The following NIPAL2 variants were observed in gnomAD, a reference collection of about 807,000 sequenced individuals.
NIPAL2 encodes NIPA like domain containing 2, also known as NIPA-like protein 2.
Under a neutral mutation model 48.9 loss-of-function variants are expected in NIPAL2, and 43 were observed. The observed-to-expected ratio is 0.88, with a 90% CI of 0.69 to 1.13. NIPAL2 has a LOEUF of 1.13. NIPAL2 is among the 50% of genes most tolerant of loss of function. The pLI is 0.00. For missense variants in NIPAL2, 446 were observed against 461.4 expected (o/e 0.97, Z 0.31); for synonymous variants, 167 against 174.6 (o/e 0.96, Z 0.34).
At chr8:98,275,118 C>T (rs1177767018) in intron 1 of NIPAL2, among the ~76,000 whole-genome samples, 4 of 152,080 alleles carry the variant, frequency 2.6e-5, no homozygotes, top group African/African-American at 9.7e-5. Context: ...AACCAAGAAA[C>T]TGGCATTGGT....
intron 3 of NIPAL2, among the ~76,000 whole-genome samples, chr8:98,249,688 T>A (rs553518639): frequency 6.8e-5 from 10 of 147,268 alleles, no homozygotes; most frequent in Admixed American, 5.5e-4. Context: ...TTAAAGATAA[T>A]CAATATAATT....
chr8:98,244,622 T>G (rs1459233831), intron 3 of NIPAL2, among the ~76,000 whole-genome samples: 1 of 116,264 alleles, frequency 8.6e-6, no homozygotes, highest in Non-Finnish European at 1.8e-5. Flanking sequence ...TGGGCTGTGG[T>G]GATGGGGGGT....
Position 98,264,443 on chromosome 8 carries a change from A to G in NIPAL2, c.136-10356T>C, listed in dbSNP as rs1242558783. On this transcript the variant is annotated intron_variant, in intron 1 of 10. Transcript: ENST00000430223. ...CAACTTCAGCAAAGTCTCAGGATAC[A>G]AAATCAATGTACAAAAATCACAAGC... 2.7e-5 allele frequency among the ~76,000 whole-genome samples: 4 copies of G among 148,416 alleles called. No homozygotes were observed. The East Asian group carries it at 5.8e-4, about 22-fold the overall frequency.
At position 98,222,511 on chromosome 8, in the gene NIPAL2, A is replaced by G. The variant is rs1255343879; in HGVS notation, c.526T>C (p.Tyr176His). Residue 176 changes from tyrosine to histidine, a missense_variant, in exon 5 of 11, where the codon TAC (tyrosine) becomes CAC (histidine). Physicochemically the swap from Tyr to His is moderately conservative, Grantham distance 83 (BLOSUM62 2). Transcript: ENST00000430223. ...ATCAGGAACTGCCATCCGACAAGGT[A>G]ATACTGTACTGTTCTTGCTGAGATT... is the stretch of plus-strand genomic sequence containing the variant. ...QAISARTVQYYLVGWQFLIYV... is the reference protein window; with the variant it reads ...QAISARTVQYHLVGWQFLIYV... 1 of 1,613,912 alleles carries G rather than the reference A, an allele frequency of 6.2e-7. No individual in the cohort carries two copies. The highest frequency in any genetic ancestry group is 1.3e-5 in the African/African-American group (1 of 74,948).
At chr8:98,199,284 C>G (rs1270559517) in intron 8 of NIPAL2, among the ~76,000 whole-genome samples, 2 of 152,110 alleles carry the variant, frequency 1.3e-5, no homozygotes, top group Non-Finnish European at 2.9e-5. Context: ...GCATTCACAA[C>G]TTGGCTAAAT....
chr8:98,233,370 T>C (rs1033810640), intron 4 of NIPAL2, among the ~76,000 whole-genome samples: 139 of 150,164 alleles, frequency 9.3e-4, no homozygotes, highest in Non-Finnish European at 1.7e-3. Context: ...GTGTGTGTTT[T>C]CCCCTTCCTT....
chr8:98,255,281 A>G (rs906821725), intron 1 of NIPAL2, among the ~76,000 whole-genome samples: 8 of 152,226 alleles, frequency 5.3e-5, no homozygotes, highest in Admixed American at 5.2e-4. Flanking sequence ...ATCTAGGTCC[A>G]AAAGTATAAT....
In NIPAL2 at chr8:98,282,893, T is replaced by G. The variant is rs768629964; in HGVS notation, c.135+11110A>C. Among the ~76,000 whole-genome samples, 62 of 152,186 alleles carry G rather than the reference T, an allele frequency of 4.1e-4. 1 individual carries two copies. The highest frequency in any genetic ancestry group is 6.3e-3 in the Middle Eastern group (2 of 316). On this transcript the variant is annotated intron_variant, in intron 1 of 10. Coordinates refer to ENST00000430223, the MANE Select transcript of NIPAL2 (RefSeq NM_001321635.2). The stretch of plus-strand genomic sequence containing the variant: ...AAAAAGAAGAAAGAAAAATTTTCAG[T>G]CAGGAGCAGATTTTTAATTTGTTAT...
At position 98,256,021 on chromosome 8, in the gene NIPAL2, AT is replaced by A. The variant is rs543809759; in HGVS notation, c.136-1935del. ...TGTACTTCATCAAGATTAAAAACTT[AT>A]TTTTTTTTTTTGAGACAGAATCTCG... On this transcript the variant is annotated intron_variant, in intron 1 of 10. Transcript: ENST00000430223. 4.3e-3 allele frequency among the ~76,000 whole-genome samples: 627 copies of A among 146,626 alleles called. 1 individual carries two copies. The highest frequency in any genetic ancestry group is 0.011 in the African/African-American group (433 of 40,256).
At chr8:98,262,928 C>A (rs1474870244) in intron 1 of NIPAL2, among the ~76,000 whole-genome samples, 8 of 151,174 alleles carry the variant, frequency 5.3e-5, no homozygotes, top group Admixed American at 2.6e-4. Context: ...AACAAACTAT[C>A]TCTCAGACCA....
At chr8:98,281,710 C>T in intron 1 of NIPAL2, among the ~76,000 whole-genome samples, 1 of 152,172 alleles carries the variant, frequency 6.6e-6, no homozygotes, top group East Asian at 1.9e-4. Context: ...AGAGCACAGC[C>T]TGTTCAATCT....
chr8:98,240,945 C>T (rs999459149), intron 3 of NIPAL2, among the ~76,000 whole-genome samples: 8 of 152,046 alleles, frequency 5.3e-5, no homozygotes, highest in East Asian at 1.9e-4. Context: ...TTTCCTCAAC[C>T]GGTGAAAGGA....
chr8:98,209,127 A>G (rs1218782137), intron 6 of NIPAL2, among the ~76,000 whole-genome samples: 1 of 152,162 alleles, frequency 6.6e-6, no homozygotes, highest in Non-Finnish European at 1.5e-5. Context: ...TTTCATTCCC[A>G]TAGTTAATTA....
intron 1 of NIPAL2, among the ~76,000 whole-genome samples, chr8:98,254,960 A>G (rs111478190): frequency 6.6e-6 from 1 of 152,302 alleles, no homozygotes; most frequent in African/African-American, 2.4e-5. Context: ...TGACTTTCTC[A>G]GATTCTAAGT....
intron 1 of NIPAL2, among the ~76,000 whole-genome samples, chr8:98,254,420 T>C (rs1016520969): frequency 1.3e-5 from 2 of 152,212 alleles, no homozygotes; most frequent in African/African-American, 4.8e-5. Context: ...TTTTCTTTTC[T>C]CTAATATCTT....
intron 1 of NIPAL2, among the ~76,000 whole-genome samples, chr8:98,271,777 G>A (rs928680604): frequency 2.0e-5 from 3 of 152,094 alleles, no homozygotes; most frequent in African/African-American, 7.2e-5. Context: ...GTTCTTAAGG[G>A]GAATGCTTCC....
intron 1 of NIPAL2, among the ~76,000 whole-genome samples, chr8:98,277,154 G>C (rs1815518786): frequency 6.6e-6 from 1 of 152,148 alleles, no homozygotes; most frequent in Non-Finnish European, 1.5e-5. Flanking sequence ...ACAATGTTCA[G>C]CCTCTTAAAG....
chr8:98,252,776 TG>T (rs1395201041), intron 2 of NIPAL2, 142 bp from the exon 3 acceptor site: 1 of 732,902 alleles, frequency 1.4e-6, no homozygotes, highest in East Asian at 3.0e-5. Context: ...AATACATTTT[TG>T]GGGAATTATT....
At chr8:98,248,105 T>C (rs2130820167) in intron 3 of NIPAL2, among the ~76,000 whole-genome samples, 1 of 152,380 alleles carries the variant, frequency 6.6e-6, no homozygotes, top group Non-Finnish European at 1.5e-5. Flanking sequence ...GTAGGTTATT[T>C]GGAAATTCTT....
Sources: gnomAD v4.1 joint callset for allele counts (sites outside exome capture counted in the v4.1 genomes callset) on GRCh38, gnomAD v4.1.1 for gene constraint, MANE v1.5 for transcripts, NCBI Gene and HGNC (gene_info 2026-07-23, HGNC 2026-07-21) for gene names.